BACH2: variants seen among roughly 807,000 people sequenced by gnomAD.
BACH2 encodes transcription regulator protein BACH2.
Under a neutral mutation model 61.8 loss-of-function variants are expected in BACH2, and 5 were observed. The observed-to-expected ratio is 0.08, with a 90% confidence interval of 0.04 to 0.17. The LOEUF is 0.17. BACH2 is among the 10% of genes least tolerant of loss of function. The pLI, the probability that BACH2 is intolerant of heterozygous loss-of-function variation, is 1.00. For missense variants in BACH2, 824 were observed against 1,091.1 expected (o/e 0.76, Z 3.45); for synonymous variants, 446 against 440.1 (o/e 1.01, Z -0.17).
At chr6:89,943,695 G>A (rs1773570760) in intron 7 of BACH2, among the ~76,000 whole-genome samples, 1 of 152,198 alleles carries the variant, frequency 6.6e-6, no homozygotes, top group Non-Finnish European at 1.5e-5. Context: ...CAGGAAAGTA[G>A]CTGCAAATTT....
At chr6:90,216,636 C>T (rs1456095982) in intron 3 of BACH2, among the ~76,000 whole-genome samples, 2 of 152,252 alleles carry the variant, frequency 1.3e-5, no homozygotes, top group African/African-American at 4.8e-5. Flanking sequence ...GGAATTCCAA[C>T]TTAAAACATT....
intron 5 of BACH2, among the ~76,000 whole-genome samples, chr6:90,018,671 G>T (rs1263690309): frequency 6.6e-6 from 1 of 152,088 alleles, no homozygotes; most frequent in Non-Finnish European, 1.5e-5. Flanking sequence ...TATAAACTTT[G>T]CTCTGCTATA....
chr6:90,259,194 T>A (rs749433695), intron 2 of BACH2, among the ~76,000 whole-genome samples: 1 of 152,228 alleles, frequency 6.6e-6, no homozygotes, highest in Non-Finnish European at 1.5e-5. Context: ...TATTATAATG[T>A]TAGCTGTGGG....
At chr6:90,295,223 G>C (rs1273164613) in intron 1 of BACH2, among the ~76,000 whole-genome samples, 2 of 152,098 alleles carry the variant, frequency 1.3e-5, no homozygotes, top group Non-Finnish European at 2.9e-5. Context: ...CGCCTCATCG[G>C]GCCACAGACA....
intron 6 of BACH2, among the ~76,000 whole-genome samples, chr6:89,979,872 A>G (rs1582133161): frequency 6.6e-6 from 1 of 152,238 alleles, no homozygotes; most frequent in Non-Finnish European, 1.5e-5. Context: ...TTCCTTAGAC[A>G]CTGGGCTACC....
chr6:90,062,838 G>T, intron 5 of BACH2: 1 of 721,662 alleles, frequency 1.4e-6, no homozygotes, highest in Non-Finnish European at 1.7e-6. Context: ...CCTGAGAGCA[G>T]TGTGGGTATT....
chr6:89,996,601 C>T (rs548017654), intron 6 of BACH2, among the ~76,000 whole-genome samples: 1 of 152,248 alleles, frequency 6.6e-6, no homozygotes, highest in East Asian at 1.9e-4. Flanking sequence ...TGGGTCTTTG[C>T]CACACCAGTG....
In BACH2 at chr6:90,008,010, T is replaced by G. The variant is rs1777507004; in HGVS notation, c.243+592A>C. The G allele has an allele frequency of 6.3e-6, 1 of 159,782 alleles. No individual in the cohort carries two copies. Among genetic ancestry groups the G allele is most frequent in the Non-Finnish European group, 1.4e-5 (1 of 72,606 alleles). The allele number at this position is 159,782 out of a possible 1,614,324, so 9.9% of individuals were successfully genotyped here. On this transcript the variant is annotated intron_variant, in intron 6 of 8. Coordinates refer to ENST00000257749, the MANE Select transcript of BACH2 (RefSeq NM_021813.4). The surrounding 1 kb of genome is among the most constrained non-coding windows in gnomAD (Gnocchi z 4.1). ...TTAAACCATCCAATTAAATGTCATC[T>G]CTGGACAGACCAGGTCCAGCTACTA... is the stretch of plus-strand genomic sequence containing the variant.
At position 89,928,951 on chromosome 6, in the gene BACH2, T is replaced by C. The variant is rs765804116; in HGVS notation, c.*3457A>G. On this transcript the variant is annotated 3_prime_UTR_variant, in exon 9 of 9. Transcript: ENST00000257749. ...CGATTTTAATCAAGGCACCCCCAGG[T>C]AACGCAGAGAAACAAACACATACAG... 3.9e-5 allele frequency: 6 copies of C among 152,298 alleles called. No individual in the cohort carries two copies. Among genetic ancestry groups the C allele is most frequent in the African/African-American group, 1.5e-4 (6 of 41,244 alleles). The allele number at this position is 152,298 out of a possible 1,614,324, so 9.4% of individuals were successfully genotyped here.
intron 6 of BACH2, among the ~76,000 whole-genome samples, chr6:89,967,091 T>A (rs1196541478): frequency 6.6e-6 from 1 of 152,076 alleles, no homozygotes. Flanking sequence ...CCAGTTTCTG[T>A]GGGGCTGAAA....
chr6:90,048,712 A>G lies in BACH2; in HGVS notation c.-12-39856T>C, dbSNP rs1562399325. Among the ~76,000 whole-genome samples the G allele has an allele frequency of 3.9e-5, 6 of 152,228 alleles. No individual in the cohort carries two copies. In the South Asian group the frequency reaches 1.2e-3, roughly 32 times the overall value. On this transcript the variant is annotated intron_variant, in intron 5 of 8. Transcript: ENST00000257749. ...ATTATTTTAAAAATTCCCTCTAACA[A>G]GCACACTTTCTGAATGACTACTGCC...
intron 1 of BACH2, among the ~76,000 whole-genome samples, chr6:90,274,470 C>A (rs1466578586): frequency 6.6e-6 from 1 of 152,084 alleles, no homozygotes; most frequent in Admixed American, 6.5e-5. Flanking sequence ...ATAAAAGTGC[C>A]AACAAGAAAA....
chr6:90,268,010 G>GTTT (rs751492686), intron 2 of BACH2, among the ~76,000 whole-genome samples: 4 of 133,018 alleles, frequency 3.0e-5, no homozygotes, highest in Non-Finnish European at 6.3e-5. Flanking sequence ...TGCCTTTTTT[G>GTTT]TTTTTTTTTT....
chr6:90,228,652 T>G (rs750995461), intron 3 of BACH2, among the ~76,000 whole-genome samples: 1 of 152,102 alleles, frequency 6.6e-6, no homozygotes, highest in Admixed American at 6.5e-5. Flanking sequence ...GGCAGGAGAA[T>G]TGCTTGAACC....
Position 90,192,716 on chromosome 6 carries a change from C to A in BACH2, c.-162+13853G>T, listed in dbSNP as rs527938760. On this transcript the variant is annotated intron_variant, in intron 4 of 8. Coordinates refer to ENST00000257749, the MANE Select transcript of BACH2 (RefSeq NM_021813.4). ...TCATTCATTTGGATTTCACTAGTTT[C>A]ACAAGAAGAAAAAGTGATTAACCCT... Among the ~76,000 whole-genome samples, 7 of 152,288 alleles carry A rather than the reference C, an allele frequency of 4.6e-5. No homozygotes were observed. The East Asian group carries it at 1.3e-3, about 29-fold the overall frequency.
intron 4 of BACH2, among the ~76,000 whole-genome samples, chr6:90,111,977 C>T (rs1004811784): frequency 1.6e-4 from 25 of 152,226 alleles, no homozygotes; most frequent in African/African-American, 5.5e-4. Context: ...GCAAAATATA[C>T]ACATGTAAGG....
At chr6:90,095,999 T>C (rs924313127) in intron 4 of BACH2, among the ~76,000 whole-genome samples, 4 of 152,178 alleles carry the variant, frequency 2.6e-5, no homozygotes, top group African/African-American at 9.7e-5. Flanking sequence ...CCTCCTTTCC[T>C]GTACAACACT....
At chr6:89,952,543 G>A (rs1415297062) in intron 6 of BACH2, among the ~76,000 whole-genome samples, 1 of 152,118 alleles carries the variant, frequency 6.6e-6, no homozygotes, top group African/African-American at 2.4e-5. Flanking sequence ...TCAACCCCTG[G>A]CCCATAATGA....
chr6:90,050,910 T>C (rs780711397), intron 5 of BACH2, among the ~76,000 whole-genome samples: 13 of 152,068 alleles, frequency 8.5e-5, no homozygotes, highest in Non-Finnish European at 1.3e-4. Flanking sequence ...TAGTTGGGAT[T>C]ACAGGTGCCT....
Sources: allele counts gnomAD v4.1 joint callset (sites outside exome capture counted in the v4.1 genomes callset), GRCh38; gene constraint gnomAD v4.1.1; non-coding constraint Gnocchi (gnomAD v3.1); transcripts MANE v1.5; gene names NCBI Gene and HGNC (gene_info 2026-07-23, HGNC 2026-07-21).